Variants in ATXN1 observed in about 807,000 individuals in gnomAD.
ATXN1 encodes the protein ataxin 1.
A neutral mutation model predicts 56.4 loss-of-function variants in ATXN1; 8 were observed. The observed-to-expected ratio is 0.14, with a 90% CI of 0.08 to 0.26. ATXN1 has a LOEUF of 0.26. ATXN1 is among the 10% of genes least tolerant of loss of function. The probability of loss-of-function intolerance (pLI) is 1.00; values close to 1 mark genes in which losing one functional copy is unlikely to be tolerated. For missense variants in ATXN1, 987 were observed against 1,106.5 expected (o/e 0.89, Z 1.53); for synonymous variants, 514 against 494.6 (o/e 1.04, Z -0.52).
At chr6:16,691,717 G>C (rs535230634) in intron 2 of ATXN1, among the ~76,000 whole-genome samples, 1 of 152,302 alleles carries the variant, frequency 6.6e-6, no homozygotes, top group African/African-American at 2.4e-5. Context: ...ATAAATGGAA[G>C]CTCTAGGCAG....
At chr6:16,577,929 A>G (rs1352831893) in intron 4 of ATXN1, among the ~76,000 whole-genome samples, 1 of 152,196 alleles carries the variant, frequency 6.6e-6, no homozygotes, top group Non-Finnish European at 1.5e-5. Context: ...AGAGATGCGG[A>G]AAAAACCCTC....
chr6:16,408,893 A>G (rs1758741991), intron 6 of ATXN1, among the ~76,000 whole-genome samples: 1 of 152,226 alleles, frequency 6.6e-6, no homozygotes, highest in Non-Finnish European at 1.5e-5. Context: ...TGGATGAGCC[A>G]TCATGCTTTG....
At chr6:16,607,181 C>A (rs914017385) in intron 3 of ATXN1, among the ~76,000 whole-genome samples, 2 of 152,150 alleles carry the variant, frequency 1.3e-5, no homozygotes, top group Admixed American at 6.5e-5. Flanking sequence ...GCCAGGCAGC[C>A]CTGTTATATA....
intron 6 of ATXN1, among the ~76,000 whole-genome samples, chr6:16,402,211 A>G (rs432321): frequency 7.0e-4 from 99 of 142,336 alleles, no homozygotes; most frequent in Non-Finnish European, 1.2e-3. Flanking sequence ...ATATGGCTGG[A>G]AAAAACAAGA....
intron 6 of ATXN1, among the ~76,000 whole-genome samples, chr6:16,399,976 C>T (rs2113534149): frequency 1.3e-5 from 2 of 152,308 alleles, no homozygotes; most frequent in South Asian, 4.1e-4. Flanking sequence ...ACGCTAGCCT[C>T]ACCATGGCCC....
chr6:16,627,475 T>TC (rs1763426698), intron 3 of ATXN1, among the ~76,000 whole-genome samples: 1 of 152,112 alleles, frequency 6.6e-6, no homozygotes, highest in South Asian at 2.1e-4. Context: ...ACACTTGTAA[T>TC]CCCAGCACTT....
chr6:16,331,372 A>C (rs945584577), intron 6 of ATXN1, among the ~76,000 whole-genome samples: 1 of 152,160 alleles, frequency 6.6e-6, no homozygotes, highest in Non-Finnish European at 1.5e-5. Flanking sequence ...AAGTTCTAAT[A>C]ATGAACTTTT....
rs1760795006 is a variant in ATXN1 at position 16,326,012 on chromosome 6, C to T, written c.1917+382G>A. ...TCTAATCCCCTCACTCCAACGGCAT[C>T]CTCTGTCTTTTCCTGGTAAGAAAAA... On this transcript the variant is annotated intron_variant, in intron 7 of 7. Coordinates refer to ENST00000436367, the MANE Select transcript of ATXN1 (RefSeq NM_001128164.2). This position sits in a 1 kb window ranked among gnomAD's most constrained non-coding sequence, Gnocchi z 6.6. Among the ~76,000 whole-genome samples, 1 of 152,236 alleles carries T rather than the reference C, an allele frequency of 6.6e-6. No individual in the cohort carries two copies. The highest frequency in any genetic ancestry group is 1.5e-5 in the Non-Finnish European group (1 of 68,042).
chr6:16,336,877 T>A (rs1761135105), intron 6 of ATXN1, among the ~76,000 whole-genome samples: 1 of 152,194 alleles, frequency 6.6e-6, no homozygotes, highest in Non-Finnish European at 1.5e-5. Context: ...TAGTGTTTTT[T>A]GACCCCATGC....
At chr6:16,459,544 A>G (rs1245565631) in intron 6 of ATXN1, among the ~76,000 whole-genome samples, 2 of 152,174 alleles carry the variant, frequency 1.3e-5, no homozygotes, top group Non-Finnish European at 2.9e-5. Flanking sequence ...ATCCGGTTGT[A>G]CCCAACCCCT....
chr6:16,373,805 CT>C (rs1465991513), intron 6 of ATXN1, among the ~76,000 whole-genome samples: 1 of 152,152 alleles, frequency 6.6e-6, no homozygotes, highest in African/African-American at 2.4e-5. Context: ...TCCATTAAAC[CT>C]CTTTTTCTTT....
chr6:16,327,984 C>G lies in ATXN1; in HGVS notation c.327G>C (p.Pro109=), dbSNP rs114230242. The G allele has an allele frequency of 1.2e-6, 2 of 1,613,418 alleles. No individual in the cohort carries two copies. The highest frequency in any genetic ancestry group is 1.7e-6 in the Non-Finnish European group (2 of 1,179,748). The change falls in exon 7 of 8, where the codon CCG becomes CCC. Residue 109 remains proline, a synonymous_variant. Transcript: ENST00000436367. ...ATTLPAAYAT[P]QPGTPVSPVQ... ...CGGGGGACACCGGGGTCCCTGGCTG[C>G]GGGGTGGCGTACGCGGCAGGCAGCG...
intron 4 of ATXN1, among the ~76,000 whole-genome samples, chr6:16,550,155 C>A (rs9477158): frequency 0.039 from 3,526 of 91,026 alleles, 164 homozygotes; most frequent in African/African-American, 0.15. Context: ...AAATAAAATA[C>A]AAAAAAAAAA....
intron 3 of ATXN1, among the ~76,000 whole-genome samples, chr6:16,628,492 G>A (rs1763446350): frequency 6.6e-6 from 1 of 152,114 alleles, no homozygotes; most frequent in Non-Finnish European, 1.5e-5. Flanking sequence ...AGGTTCAGGG[G>A]TACATGTGCA....
intron 6 of ATXN1, among the ~76,000 whole-genome samples, chr6:16,448,244 C>G (rs772524761): frequency 2.0e-5 from 3 of 152,160 alleles, no homozygotes; most frequent in Non-Finnish European, 4.4e-5. Context: ...AATCCTGGTC[C>G]TACCTAGAAT....
intron 6 of ATXN1, among the ~76,000 whole-genome samples, chr6:16,357,527 C>T (rs957596306): frequency 5.3e-5 from 8 of 152,196 alleles, no homozygotes; most frequent in African/African-American, 1.9e-4. Flanking sequence ...ACATCGGCCT[C>T]CCAAAGTGCT....
chr6:16,572,348 G>A (rs1561760656), intron 4 of ATXN1, among the ~76,000 whole-genome samples: 1 of 152,100 alleles, frequency 6.6e-6, no homozygotes, highest in South Asian at 2.1e-4. Flanking sequence ...AGAAAGGGAC[G>A]GAGATCTTCG....
chr6:16,519,080 C>T (rs1185241868), intron 5 of ATXN1, among the ~76,000 whole-genome samples: 5 of 152,210 alleles, frequency 3.3e-5, no homozygotes, highest in South Asian at 4.1e-4. Context: ...GAGAATATAA[C>T]GTTGTCGTGA....
chr6:16,743,461 C>T (rs6900694), intron 2 of ATXN1, among the ~76,000 whole-genome samples: 15,389 of 152,204 alleles, frequency 0.1, 1,426 homozygotes, highest in East Asian at 0.36. Flanking sequence ...CACAATTATA[C>T]ACACCACAAT....
Sources: gnomAD v4.1 joint callset for allele counts (sites outside exome capture counted in the v4.1 genomes callset) on GRCh38, gnomAD v4.1.1 for gene constraint, Gnocchi (gnomAD v3.1) non-coding constraint, MANE v1.5 for transcripts, NCBI Gene and HGNC (gene_info 2026-07-23, HGNC 2026-07-21) for gene names.